The following MLLT1 variants were observed in gnomAD, a reference collection of about 807,000 sequenced individuals.
MLLT1 encodes MLLT1 super elongation complex subunit, also known as protein ENL.
Under a neutral mutation model 55.1 loss-of-function variants are expected in MLLT1, and 11 were observed. The ratio of observed to expected loss-of-function variants is 0.20; its 90% CI spans 0.13 to 0.33. MLLT1 has a LOEUF of 0.33. Ranked by LOEUF, MLLT1 falls within the 10% of genes least tolerant of loss-of-function variation. The pLI, the probability that MLLT1 is intolerant of heterozygous loss-of-function variation, is 1.00. For synonymous variants in MLLT1, 323 were observed against 320.1 expected, an observed-to-expected ratio of 1.01 and a Z score of -0.10; for missense variants, 536 against 760.6, an observed-to-expected ratio of 0.70 and a Z score of 3.47.
At chr19:6,213,195 C>G in intron 11 of MLLT1, 25 bp from the exon 12 acceptor site, 1 of 1,613,696 alleles carries the variant, frequency 6.2e-7, no homozygotes, top group Non-Finnish European at 8.5e-7. Context: ...CAGGTGGCTT[C>G]AGGGGCAGGG....
intron 3 of MLLT1, among the ~76,000 whole-genome samples, chr19:6,239,249 A>T (rs2091092208): frequency 2.0e-5 from 3 of 152,224 alleles, no homozygotes; most frequent in Admixed American, 2.0e-4. Flanking sequence ...AATGTGGAAA[A>T]AAGACGCCCA....
intron 1 of MLLT1, among the ~76,000 whole-genome samples, chr19:6,279,572 G>A (rs886978955): frequency 1.7e-4 from 26 of 151,686 alleles, no homozygotes; most frequent in Non-Finnish European, 2.5e-4. Flanking sequence ...GGGTCCCGAA[G>A]GGTGTCCGAG....
intron 2 of MLLT1, among the ~76,000 whole-genome samples, chr19:6,265,048 ACAAAAAAACAAAAAAAC>A (rs1208510814): frequency 1.4e-5 from 1 of 72,218 alleles, no homozygotes; most frequent in African/African-American, 4.7e-5. Flanking sequence ...CAAAAAAAAA[ACAAAAAAACAAAAAAAC>A]AAAAAAAAAC....
At position 6,226,908 on chromosome 19, in the gene MLLT1, C is replaced by A; in HGVS notation, c.546+69G>T. On this transcript the variant is annotated intron_variant, in intron 5 of 11. Transcript: ENST00000252674. This position sits in a 1 kb window ranked among gnomAD's most constrained non-coding sequence, Gnocchi z 6.3. ...AAGGCCCAGCCCAGTGGAGGGAGGG[C>A]GCCGGGGCCAGACCCACCACAGCTG... is the stretch of plus-strand genomic sequence containing the variant. 1 of 1,379,900 alleles carries A rather than the reference C, an allele frequency of 7.2e-7. No individual in the cohort carries two copies. The highest frequency in any genetic ancestry group is 2.9e-5 in the East Asian group (1 of 34,400). 85.5% of individuals were successfully genotyped at this position (1,379,900 alleles called of 1,614,324 possible). A position where few individuals can be genotyped will look rare whatever the true frequency, so the allele number is the denominator to read the frequency against.
rs185854142 is a variant in MLLT1 at position 6,272,093 on chromosome 19, G to A, written c.13-1334C>T. ...GATCCTATCGCCCCCACCCCCGCCCGCCATGTTAAAGCTTTCCACGGCTTG... is the reference window on the plus strand; with the variant it reads ...GATCCTATCGCCCCCACCCCCGCCCACCATGTTAAAGCTTTCCACGGCTTG... On this transcript the variant is annotated intron_variant, in intron 1 of 11. Coordinates refer to ENST00000252674, the MANE Select transcript of MLLT1 (RefSeq NM_005934.4). Among the ~76,000 whole-genome samples, 173 of 63,996 alleles carry A rather than the reference G, an allele frequency of 2.7e-3. 1 individual carries two copies. Among genetic ancestry groups the A allele is most frequent in the African/African-American group, 9.6e-3 (164 of 17,100 alleles). The allele number at this position is 63,996 out of a possible 152,430, so 42.0% of individuals were successfully genotyped here.
At chr19:6,238,256 A>G (rs1191030605) in intron 3 of MLLT1, among the ~76,000 whole-genome samples, 1 of 152,230 alleles carries the variant, frequency 6.6e-6, no homozygotes, top group African/African-American at 2.4e-5. Context: ...TGTGTGAGAG[A>G]TGATAGGGGA....
At position 6,270,456 on chromosome 19, in the gene MLLT1, C is replaced by A. The variant is rs1445352528; in HGVS notation, c.193+123G>T. ...TCCAGTGCCCCCACGCCGAGGGACGCAAGCTGGAACCTCATGGTTGGAGGG... is the reference window on the plus strand; with the variant it reads ...TCCAGTGCCCCCACGCCGAGGGACGAAAGCTGGAACCTCATGGTTGGAGGG... On this transcript the variant is annotated intron_variant, in intron 2 of 11. Coordinates refer to ENST00000252674, the MANE Select transcript of MLLT1 (RefSeq NM_005934.4). This position sits in a 1 kb window ranked among gnomAD's most constrained non-coding sequence, Gnocchi z 7.1. 1 of 1,066,812 alleles carries A rather than the reference C, an allele frequency of 9.4e-7. No individual in the cohort carries two copies. The allele number at this position is 1,066,812 out of a possible 1,614,324, so 66.1% of individuals were successfully genotyped here. A position where few individuals can be genotyped will look rare whatever the true frequency, so the allele number is the denominator to read the frequency against.
chr19:6,272,790 A>T (rs2091405632), intron 1 of MLLT1, among the ~76,000 whole-genome samples: 3 of 152,194 alleles, frequency 2.0e-5, no homozygotes, highest in African/African-American at 7.2e-5. Flanking sequence ...GGTGGCAGAT[A>T]AGGACAGGCC....
chr19:6,220,896 G>GC (rs973896928), intron 6 of MLLT1, among the ~76,000 whole-genome samples: 3 of 152,022 alleles, frequency 2.0e-5, no homozygotes, highest in African/African-American at 7.2e-5. Flanking sequence ...GGTGGCACCG[G>GC]CCCCCCCACC....
Position 6,270,717 on chromosome 19 carries a change from G to C in MLLT1, c.55C>G (p.Leu19Val). Residue 19 changes from leucine to valine, a missense_variant, in exon 2 of 12, where the codon CTG becomes GTG. By Grantham distance (32) the Leu-to-Val change is conservative. Coordinates refer to ENST00000252674, the MANE Select transcript of MLLT1 (RefSeq NM_005934.4). This position sits in a 1 kb window ranked among gnomAD's most constrained non-coding sequence, Gnocchi z 7.1. Reference sequence around the variant, plus strand: ...CCCTCCGTGGTGGGCTTCTTGCGCAGTTGGGCGCGATGCCCCAGCTCTAAC... The same window carrying C: ...CCCTCCGTGGTGGGCTTCTTGCGCACTTGGGCGCGATGCCCCAGCTCTAAC... Reference protein sequence around the residue: ...VRLELGHRAQLRKKPTTEGFT... With the variant: ...VRLELGHRAQVRKKPTTEGFT... 6.2e-7 allele frequency: 1 copy of C among 1,613,924 alleles called. No homozygotes were observed. Among genetic ancestry groups the C allele is most frequent in the Non-Finnish European group, 8.5e-7 (1 of 1,179,880 alleles).
Position 6,230,808 on chromosome 19 carries a change from T to G in MLLT1, c.277-95A>C. The G allele has an allele frequency of 1.4e-6, 2 of 1,478,236 alleles. No homozygotes were observed. The highest frequency in any genetic ancestry group is 1.9e-6 in the Non-Finnish European group (2 of 1,080,000). The allele number at this position is 1,478,236 out of a possible 1,614,324, so 91.6% of individuals were successfully genotyped here. A position where few individuals can be genotyped will look rare whatever the true frequency, so the allele number is the denominator to read the frequency against. On this transcript the variant is annotated intron_variant, in intron 3 of 11. Transcript: ENST00000252674. The surrounding 1 kb of genome is among the most constrained non-coding windows in gnomAD (Gnocchi z 9.0). Reference sequence around the variant, plus strand: ...GCCCTGGTCCTCCCCTCTCCCTCACTGGGCCTCTGTTCCCCTCCCTCCGAT... The same window carrying G: ...GCCCTGGTCCTCCCCTCTCCCTCACGGGGCCTCTGTTCCCCTCCCTCCGAT...
rs189967723 is a variant in MLLT1, at chr19:6,234,293, C to T, written c.277-3580G>A. 2.6e-3 allele frequency among the ~76,000 whole-genome samples: 393 copies of T among 152,338 alleles called. 1 individual carries two copies. The highest frequency in any genetic ancestry group is 4.8e-3 in the Non-Finnish European group (324 of 68,022). ...CCCTGGGGAGAAGGGCCTTGGCCGC[C>T]CCTGCGGAGGGGGAGCCCTGTCCGG... On this transcript the variant is annotated intron_variant, in intron 3 of 11. Transcript: ENST00000252674.
rs1451305294 is a variant in MLLT1, at chr19:6,230,064, C to T, written c.420+506G>A. 1.3e-5 allele frequency among the ~76,000 whole-genome samples: 2 copies of T among 152,090 alleles called. No individual in the cohort carries two copies. Among genetic ancestry groups the T allele is most frequent in the East Asian group, 1.9e-4 (1 of 5,178 alleles). Reference sequence around the variant, plus strand: ...CGCCCACCCTGTTGCCAAGAGCCCTCGTGGGGAACTCTGAGCCCCCACAGG... The same window carrying T: ...CGCCCACCCTGTTGCCAAGAGCCCTTGTGGGGAACTCTGAGCCCCCACAGG... On this transcript the variant is annotated intron_variant, in intron 4 of 11. Coordinates refer to ENST00000252674, the MANE Select transcript of MLLT1 (RefSeq NM_005934.4). This position sits in a 1 kb window ranked among gnomAD's most constrained non-coding sequence, Gnocchi z 9.0.
At chr19:6,260,691 C>T (rs895425075) in intron 3 of MLLT1, among the ~76,000 whole-genome samples, 8 of 152,232 alleles carry the variant, frequency 5.3e-5, no homozygotes, top group African/African-American at 1.4e-4. Context: ...CACAGAAAAC[C>T]TCACTGAGCT....
At chr19:6,238,296 T>C (rs1011444348) in intron 3 of MLLT1, among the ~76,000 whole-genome samples, 1 of 152,264 alleles carries the variant, frequency 6.6e-6, no homozygotes, top group African/African-American at 2.4e-5. Flanking sequence ...GTGATAATGT[T>C]AAAGAATTAC....
At chr19:6,232,978 C>T (rs2144882427) in intron 3 of MLLT1, among the ~76,000 whole-genome samples, 1 of 152,338 alleles carries the variant, frequency 6.6e-6, no homozygotes, top group African/African-American at 2.4e-5. Context: ...ATCACACCGG[C>T]TCAGTCAGCA....
At chr19:6,247,029 A>G (rs567232618) in intron 3 of MLLT1, among the ~76,000 whole-genome samples, 11 of 152,310 alleles carry the variant, frequency 7.2e-5, no homozygotes, top group Non-Finnish European at 1.5e-4. Context: ...CACAGTACAG[A>G]TATCGGGAGC....
chr19:6,213,695 C>T (rs1422237310), intron 10 of MLLT1, 31 bp downstream of exon 10: 5 of 1,086,802 alleles, frequency 4.6e-6, no homozygotes, highest in Non-Finnish European at 6.9e-6. Flanking sequence ...CCCTCCGTAG[C>T]CTCCCCGCCT....
intron 3 of MLLT1, among the ~76,000 whole-genome samples, chr19:6,233,371 T>C (rs1490948487): frequency 6.6e-6 from 1 of 152,206 alleles, no homozygotes; most frequent in Non-Finnish European, 1.5e-5. Flanking sequence ...AGGTTCCCGA[T>C]CCAAGGCCAG....
Sources: gnomAD v4.1 joint callset for allele counts (sites outside exome capture counted in the v4.1 genomes callset) on GRCh38, gnomAD v4.1.1 for gene constraint, Gnocchi (gnomAD v3.1) non-coding constraint, MANE v1.5 for transcripts, NCBI Gene and HGNC (gene_info 2026-07-23, HGNC 2026-07-21) for gene names.